Variants in CPSF7 observed in about 807,000 individuals in gnomAD.
CPSF7 encodes the protein cleavage and polyadenylation specific factor 7, also known as cleavage and polyadenylation specificity factor subunit 7.
Under a neutral mutation model 44.3 loss-of-function variants are expected in CPSF7, and 1 was observed. The ratio of observed to expected loss-of-function variants is 0.02; its 90% CI spans 0.01 to 0.11. CPSF7 has a LOEUF of 0.11. CPSF7 is among the 10% of genes least tolerant of loss of function. CPSF7 has a pLI of 1.00. For missense variants in CPSF7, 443 were observed against 607.2 expected (o/e 0.73, Z 2.84); for synonymous variants, 202 against 222.0 (o/e 0.91, Z 0.80).
intron 7 of CPSF7, among the ~76,000 whole-genome samples, chr11:61,415,254 A>G (rs1860215929): frequency 6.6e-6 from 1 of 152,058 alleles, no homozygotes; most frequent in South Asian, 2.1e-4. Context: ...AACAAACAAA[A>G]AAACACATTA....
Position 61,429,186 on chromosome 11 carries a change from T to C in CPSF7, c.50A>G (p.Asn17Ser), listed in dbSNP as rs1487664300. 42 of 1,586,002 alleles carry C rather than the reference T, an allele frequency of 2.6e-5. No homozygotes were observed. The Admixed American group carries it at 6.4e-4, about 24-fold the overall frequency. ...AAGCTCCTGATGACACCTCACCTGG[T>C]TGAACTCCTCGTCAGCATATATATC... is the stretch of plus-strand genomic sequence containing the variant. ...LIDIYADEEF[N>S]QDPEFNNTDQ... Residue 17 changes from asparagine (N) to serine (S), a missense_variant, in exon 2 of 10, where the codon AAC becomes AGC. By Grantham distance (46) the Asn-to-Ser change is conservative. Coordinates refer to ENST00000439958, the MANE Select transcript of CPSF7 (RefSeq NM_001142565.3).
intron 4 of CPSF7, 96 bp downstream of exon 4, chr11:61,420,374 G>T: frequency 1.8e-6 from 2 of 1,115,536 alleles, no homozygotes; most frequent in South Asian, 2.8e-5. Flanking sequence ...GCTGGGCCAG[G>T]GGTGGGAGTG....
chr11:61,420,241 C>T (rs1590715420), intron 4 of CPSF7, 147 bp from the exon 5 acceptor site: 1 of 726,996 alleles, frequency 1.4e-6, no homozygotes, highest in Non-Finnish European at 2.2e-6. Context: ...AACAAAGAGA[C>T]AGCCTAAATC....
intron 5 of CPSF7, among the ~76,000 whole-genome samples, 175 bp from the exon 6 acceptor site, chr11:61,416,694 AAG>A (rs1860371451): frequency 1.3e-5 from 2 of 152,194 alleles, no homozygotes; most frequent in Non-Finnish European, 2.9e-5. Context: ...CAACTCAGTG[AAG>A]ACATTAAATC....
chr11:61,420,681 T>A, intron 3 of CPSF7, 108 bp from the exon 4 acceptor site: 1 of 808,474 alleles, frequency 1.2e-6, no homozygotes, highest in Admixed American at 2.4e-5. Context: ...CAGAGGAAAC[T>A]CAAAAGCCTG....
At chr11:61,428,327 C>A (rs564932497) in intron 2 of CPSF7, among the ~76,000 whole-genome samples, 5 of 152,276 alleles carry the variant, frequency 3.3e-5, no homozygotes, top group East Asian at 3.9e-4. Context: ...GGACTACAGG[C>A]ACAAGCCACC....
At chr11:61,406,185 A>G (rs1046711405) in intron 9 of CPSF7, 2 of 152,198 alleles carry the variant, frequency 1.3e-5, no homozygotes, top group African/African-American at 4.8e-5. Flanking sequence ...TTTGGTGCCA[A>G]TGTTGGAATG....
intron 7 of CPSF7, among the ~76,000 whole-genome samples, chr11:61,412,486 T>G (rs1258670514): frequency 5.9e-5 from 9 of 152,172 alleles, no homozygotes. Flanking sequence ...AGACGGAGTT[T>G]CACCGTGTTA....
intron 2 of CPSF7, among the ~76,000 whole-genome samples, chr11:61,422,599 G>C (rs1860985063): frequency 6.6e-6 from 1 of 152,110 alleles, no homozygotes; most frequent in African/African-American, 2.4e-5. Flanking sequence ...TTACAGGGGT[G>C]ACTACCATGC....
chr11:61,420,782 T>C, intron 3 of CPSF7: 1 of 595,766 alleles, frequency 1.7e-6, no homozygotes, highest in Non-Finnish European at 3.0e-6. Flanking sequence ...CTTTAGAGAT[T>C]ACGAAGATTA....
At chr11:61,428,646 C>T (rs144132106) in intron 2 of CPSF7, among the ~76,000 whole-genome samples, 1 of 152,216 alleles carries the variant, frequency 6.6e-6, no homozygotes, top group East Asian at 1.9e-4. Context: ...ATTTATTATA[C>T]CAAAATGCCT....
At chr11:61,415,854 T>C (rs771377136) in intron 6 of CPSF7, 70 bp from the exon 7 acceptor site, 165 of 1,159,234 alleles carry the variant, frequency 1.4e-4, no homozygotes, top group Middle Eastern at 7.9e-4. Flanking sequence ...TACAACACTT[T>C]GGTAATTTTG....
At chr11:61,415,113 C>T (rs1041302942) in intron 7 of CPSF7, among the ~76,000 whole-genome samples, 3 of 152,148 alleles carry the variant, frequency 2.0e-5, no homozygotes, top group African/African-American at 7.2e-5. Context: ...TGGCAAGTGC[C>T]TGTAATCCCA....
chr11:61,420,875 A>G (rs1435474736), intron 3 of CPSF7: 1 of 480,674 alleles, frequency 2.1e-6, no homozygotes, highest in African/African-American at 2.0e-5. Context: ...TTAATTATAG[A>G]TCTGTCAGGC....
At chr11:61,405,201 C>T (rs1461822154) in intron 9 of CPSF7, among the ~76,000 whole-genome samples, 5 of 152,114 alleles carry the variant, frequency 3.3e-5, no homozygotes, top group Non-Finnish European at 7.4e-5. Context: ...CATTAATCCC[C>T]AAACACCCAA....
Position 61,429,275 on chromosome 11 carries a change from A to T in CPSF7, c.-40T>A. On this transcript the variant is annotated 5_prime_UTR_variant, in exon 2 of 10. Coordinates refer to ENST00000439958, the MANE Select transcript of CPSF7 (RefSeq NM_001142565.3). ...GATCGCGAGTCCGGAGGATGGACAAAGTAAGGAAGATGCCACTGCGGGATT... is the reference window on the plus strand; with the variant it reads ...GATCGCGAGTCCGGAGGATGGACAATGTAAGGAAGATGCCACTGCGGGATT... 6.2e-7 allele frequency: 1 copy of T among 1,611,468 alleles called. No homozygotes were observed. Among genetic ancestry groups the T allele is most frequent in the Non-Finnish European group, 8.5e-7 (1 of 1,177,666 alleles).
intron 3 of CPSF7, 109 bp from the exon 4 acceptor site, chr11:61,420,682 CA>C: frequency 1.2e-6 from 1 of 801,748 alleles, no homozygotes; most frequent in Admixed American, 2.4e-5. Context: ...AGAGGAAACT[CA>C]AAAGCCTGGC....
intron 2 of CPSF7, chr11:61,426,749 T>C (rs920545011): frequency 6.6e-6 from 1 of 152,222 alleles, no homozygotes; most frequent in Non-Finnish European, 1.5e-5. Context: ...CAAAGGTGGC[T>C]GGGTACGGCG....
At chr11:61,413,592 C>G (rs1279517981) in intron 7 of CPSF7, among the ~76,000 whole-genome samples, 7 of 149,302 alleles carry the variant, frequency 4.7e-5, no homozygotes, top group Non-Finnish European at 8.9e-5. Flanking sequence ...GATCAGACCA[C>G]TGCACTACTC....
Sources: allele counts gnomAD v4.1 joint callset (sites outside exome capture counted in the v4.1 genomes callset), GRCh38; gene constraint gnomAD v4.1.1; transcripts MANE v1.5; gene names NCBI Gene and HGNC (gene_info 2026-07-23, HGNC 2026-07-21).